The following TMF1 variants were observed in gnomAD, a reference collection of about 807,000 sequenced individuals.
TMF1 encodes the protein TATA element modulatory factor 1, also known as TATA element modulatory factor.
In TMF1, 71 loss-of-function variants were observed where a neutral mutation model predicts 126.5. The observed-to-expected ratio is 0.56, with a 90% confidence interval of 0.46 to 0.68. The LOEUF (loss-of-function observed/expected upper bound fraction) is 0.68, where lower values mean the gene tolerates loss of function less well. Ranked by LOEUF, TMF1 falls within the 30% of genes least tolerant of loss-of-function variation. TMF1 has a pLI of 0.00. For missense variants in TMF1, 1,259 were observed against 1,253.2 expected (o/e 1.00, Z -0.07); for synonymous variants, 461 against 430.5 (o/e 1.07, Z -0.88).
chr3:69,023,982 A>G, intron 16 of TMF1, 73 bp downstream of exon 16: 1 of 1,404,108 alleles, frequency 7.1e-7, no homozygotes, highest in Admixed American at 2.6e-5. Flanking sequence ...CACATACTAT[A>G]AATTAAAAAC....
intron 16 of TMF1, among the ~76,000 whole-genome samples, chr3:69,023,848 C>A (rs186746018): frequency 6.6e-6 from 1 of 152,168 alleles, no homozygotes; most frequent in African/African-American, 2.4e-5. Context: ...TTTTCCTATA[C>A]TGGGACTAAA....
intron 8 of TMF1, among the ~76,000 whole-genome samples, chr3:69,037,833 T>G (rs560863788): frequency 6.9e-6 from 1 of 144,170 alleles, no homozygotes; most frequent in African/African-American, 2.5e-5. Context: ...AAAAAAAAAA[T>G]GCAAATCAAC....
intron 8 of TMF1, among the ~76,000 whole-genome samples, chr3:69,038,345 T>C (rs1346129443): frequency 6.6e-6 from 1 of 152,182 alleles, no homozygotes; most frequent in African/African-American, 2.4e-5. Flanking sequence ...TACTCTCAAA[T>C]GGGTCTAAAA....
At chr3:69,044,658 C>G in intron 2 of TMF1, 63 bp from the exon 3 acceptor site, 1 of 1,007,050 alleles carries the variant, frequency 9.9e-7, no homozygotes, top group Non-Finnish European at 1.5e-6. Context: ...TTTTTACATG[C>G]AGGTGTATCA....
intron 14 of TMF1, 35 bp downstream of exon 14, chr3:69,025,961 T>G: frequency 2.6e-6 from 4 of 1,512,048 alleles, no homozygotes; most frequent in South Asian, 2.3e-5. Context: ...ATTATTATTC[T>G]AAGAACTAAG....
In TMF1 at chr3:69,032,580, G is replaced by C. The variant is rs116277435; in HGVS notation, c.2401+968C>G. ...TATTAACATCACAGAAGGGCAACCT[G>C]GGGCATGACTGTAAAGAAGCAGAAT... is the stretch of plus-strand genomic sequence containing the variant. On this transcript the variant is annotated intron_variant, in intron 10 of 16. Transcript: ENST00000398559. Among the ~76,000 whole-genome samples the C allele has an allele frequency of 7.3e-4, 110 of 151,514 alleles. 2 individuals carry two copies. The highest frequency in any genetic ancestry group is 2.4e-3 in the African/African-American group (100 of 41,284).
chr3:69,047,531 C>G lies in TMF1; in HGVS notation c.1174G>C (p.Glu392Gln). The change falls in exon 2 of 17, where the codon GAA becomes CAA. Residue 392 changes from glutamate (E) to glutamine (Q), a missense_variant. Coordinates refer to ENST00000398559, the MANE Select transcript of TMF1 (RefSeq NM_007114.3). ...GCACTTCGTCCACTTTCTTCCATTT[C>G]TGCTTCCTCAGTGGGTATAACTAAT... ...ETLVIPTEEAEMEESGRSATP... is the reference protein window; with the variant it reads ...ETLVIPTEEAQMEESGRSATP... The G allele has an allele frequency of 6.2e-7, 1 of 1,614,172 alleles. No individual in the cohort carries two copies. The highest frequency in any genetic ancestry group is 8.5e-7 in the Non-Finnish European group (1 of 1,180,032).
At chr3:69,041,704 A>G (rs2091865960) in intron 5 of TMF1, among the ~76,000 whole-genome samples, 1 of 152,180 alleles carries the variant, frequency 6.6e-6, no homozygotes. Flanking sequence ...GAAATTAAAT[A>G]TATGATCTTA....
At chr3:69,031,852 G>A (rs1194114270) in intron 10 of TMF1, among the ~76,000 whole-genome samples, 2 of 152,136 alleles carry the variant, frequency 1.3e-5, no homozygotes, top group Admixed American at 1.3e-4. Flanking sequence ...ATTGCTGAGG[G>A]TATGTAGACT....
rs2091742654 is a variant in TMF1, at chr3:69,022,279, G to A, written c.*898C>T. On this transcript the variant is annotated 3_prime_UTR_variant, in exon 17 of 17. Coordinates refer to ENST00000398559, the MANE Select transcript of TMF1 (RefSeq NM_007114.3). ...AATATCAAACATTCATTTTTAATGT[G>A]CTAAAAATATGGGTTTACAAAATAT... 1.3e-5 allele frequency: 2 copies of A among 152,096 alleles called. No homozygotes were observed. The highest frequency in any genetic ancestry group is 4.8e-5 in the African/African-American group (2 of 41,396). The allele number at this position is 152,096 out of a possible 1,614,324, so 9.4% of individuals were successfully genotyped here. A position where few individuals can be genotyped will look rare whatever the true frequency, so the allele number is the denominator to read the frequency against.
Position 69,027,907 on chromosome 3 carries a change from TTTA to T in TMF1, c.2747_2749del (p.Ile916del). The T allele has an allele frequency of 1.3e-6, 2 of 1,542,886 alleles. No homozygotes were observed. Among genetic ancestry groups the T allele is most frequent in the Non-Finnish European group, 1.8e-6 (2 of 1,120,588 alleles). ...AAAAACAAAATTCAATACCTTTTCT[TTTA>T]TTGTTTCTTGAGTAAAAATGGCTTT... On this transcript the variant is annotated inframe_deletion, in exon 13 of 17. Transcript: ENST00000398559.
chr3:69,035,011 C>T lies in TMF1; in HGVS notation c.2244+12G>A. 1 of 1,610,556 alleles carries T rather than the reference C, an allele frequency of 6.2e-7. No homozygotes were observed. Among genetic ancestry groups the T allele is most frequent in the Non-Finnish European group, 8.5e-7 (1 of 1,177,006 alleles). ...CTTCTTGGATTTGTGTTTTGGAAACCTGTGACAGTACCTGCTGAAGTTCAC... is the reference window on the plus strand; with the variant it reads ...CTTCTTGGATTTGTGTTTTGGAAACTTGTGACAGTACCTGCTGAAGTTCAC... On this transcript the variant is annotated intron_variant, in intron 9 of 16. Transcript: ENST00000398559.
chr3:69,051,193 A>G (rs978571731), intron 1 of TMF1, among the ~76,000 whole-genome samples: 1 of 152,144 alleles, frequency 6.6e-6, no homozygotes, highest in African/African-American at 2.4e-5. Flanking sequence ...GAAGGCCATA[A>G]AAAAGCACAT....
At chr3:69,035,962 T>C (rs1437335222) in intron 8 of TMF1, among the ~76,000 whole-genome samples, 4 of 152,078 alleles carry the variant, frequency 2.6e-5, no homozygotes, top group Non-Finnish European at 5.9e-5. Context: ...TTCTGTATTA[T>C]TATTATTCTA....
At chr3:69,028,191 T>A in intron 12 of TMF1, 35 bp downstream of exon 12, 1 of 1,543,456 alleles carries the variant, frequency 6.5e-7, no homozygotes, top group East Asian at 2.2e-5. Context: ...CTCTAATGTA[T>A]GCCCTAAGAG....
chr3:69,044,663 G>A (rs796169371), intron 2 of TMF1, 68 bp from the exon 3 acceptor site: 1 of 941,520 alleles, frequency 1.1e-6, no homozygotes, highest in African/African-American at 1.7e-5. Flanking sequence ...ACATGCAGGT[G>A]TATCACTGTA....
chr3:69,027,026 C>T (rs545575825), intron 13 of TMF1, among the ~76,000 whole-genome samples: 2 of 152,042 alleles, frequency 1.3e-5, no homozygotes, highest in East Asian at 1.9e-4. Flanking sequence ...GAAAGAGTCT[C>T]GATCTGTTGC....
At chr3:69,028,647 T>C (rs1183361960) in intron 11 of TMF1, among the ~76,000 whole-genome samples, 1 of 152,228 alleles carries the variant, frequency 6.6e-6, no homozygotes, top group Non-Finnish European at 1.5e-5. Flanking sequence ...TTTCTAAAAG[T>C]TCAGATATTT....
intron 9 of TMF1, 69 bp downstream of exon 9, chr3:69,034,954 G>A: frequency 1.5e-6 from 2 of 1,367,438 alleles, no homozygotes; most frequent in South Asian, 1.2e-5. Flanking sequence ...CTATCCCACT[G>A]AGGAATTCTT....
Sources: gnomAD v4.1 joint callset for allele counts (sites outside exome capture counted in the v4.1 genomes callset) on GRCh38, gnomAD v4.1.1 for gene constraint, MANE v1.5 for transcripts, NCBI Gene and HGNC (gene_info 2026-07-23, HGNC 2026-07-21) for gene names.